SPMIP11: variants seen among roughly 807,000 people sequenced by gnomAD.
SPMIP11 encodes long intergenic non-protein coding RNA 935.
chr12:48,744,248 C>CA, the SPMIP11 span, among the ~76,000 whole-genome samples: 487 of 98,200 alleles, frequency 5.0e-3, 9 homozygotes, highest in African/African-American at 0.011. Flanking sequence ...AGCAACCTCT[C>CA]AAAAAAAAAA....
chr12:48,754,698 A>C, the SPMIP11 span, among the ~76,000 whole-genome samples: 3 of 150,668 alleles, frequency 2.0e-5, no homozygotes, highest in Admixed American at 1.3e-4. Flanking sequence ...GATCCACCCG[A>C]CTAGGCCTCC....
the SPMIP11 span, among the ~76,000 whole-genome samples, chr12:48,762,798 T>C: frequency 3.7e-4 from 56 of 152,320 alleles, no homozygotes; most frequent in Non-Finnish European, 7.2e-4. Flanking sequence ...CTGTTCTGTA[T>C]CAATATATTC....
the SPMIP11 span, chr12:48,765,085 G>A: frequency 3.2e-6 from 2 of 623,698 alleles, no homozygotes; most frequent in South Asian, 3.7e-5. Context: ...TCTCCGGTCA[G>A]TTAGGGAATT....
At chr12:48,758,711 TC>T in the SPMIP11 span, among the ~76,000 whole-genome samples, 1 of 152,174 alleles carries the variant, frequency 6.6e-6, no homozygotes, top group South Asian at 2.1e-4. Context: ...AGGCTCCAAA[TC>T]AAATAGCTCT....
chr12:48,741,631 G>T, the SPMIP11 span, among the ~76,000 whole-genome samples: 26 of 150,698 alleles, frequency 1.7e-4, 1 homozygote, highest in South Asian at 5.0e-3. Context: ...AGATTCTTTG[G>T]AAAAATGTAA....
chr12:48,752,705 C>G, the SPMIP11 span, among the ~76,000 whole-genome samples: 2 of 118,292 alleles, frequency 1.7e-5, no homozygotes, highest in Admixed American at 1.0e-4. Context: ...GAGTTTTGCT[C>G]TTGTTGCCCA....
At chr12:48,756,779 C>CTT in the SPMIP11 span, among the ~76,000 whole-genome samples, 10 of 141,042 alleles carry the variant, frequency 7.1e-5, no homozygotes, top group South Asian at 2.2e-4. Flanking sequence ...TTCTTTTTTT[C>CTT]TTTTTTTTTT....
chr12:48,738,151 A>C, the SPMIP11 span, among the ~76,000 whole-genome samples: 2 of 152,056 alleles, frequency 1.3e-5, no homozygotes, highest in Non-Finnish European at 2.9e-5. Flanking sequence ...CATCATCATT[A>C]TTATTATTTA....
the SPMIP11 span, among the ~76,000 whole-genome samples, chr12:48,757,302 A>T: frequency 2.6e-5 from 4 of 152,142 alleles, no homozygotes; most frequent in African/African-American, 9.7e-5. Flanking sequence ...CTTGCTCAGG[A>T]GTCTGAGATG....
chr12:48,727,552 A>G, the SPMIP11 span: 1 of 702,890 alleles, frequency 1.4e-6, no homozygotes, highest in Non-Finnish European at 2.6e-6. Flanking sequence ...ACACAACTGA[A>G]GAAACAAGTA....
the SPMIP11 span, chr12:48,765,935 A>G: frequency 2.3e-6 from 1 of 428,872 alleles, no homozygotes; most frequent in East Asian, 4.1e-5. Flanking sequence ...GGCACTGGAA[A>G]GAACCGCCGG....
the SPMIP11 span, among the ~76,000 whole-genome samples, chr12:48,763,342 T>C: frequency 6.6e-6 from 1 of 151,998 alleles, no homozygotes; most frequent in Non-Finnish European, 1.5e-5. Context: ...CTGGGCTAAT[T>C]TTTGTATTTT....
At chr12:48,747,930 T>C in the SPMIP11 span, among the ~76,000 whole-genome samples, 2 of 152,174 alleles carry the variant, frequency 1.3e-5, no homozygotes, top group East Asian at 3.8e-4. Context: ...TTATCTAAGA[T>C]GTTTAGTCTT....
At chr12:48,742,352 G>A in the SPMIP11 span, among the ~76,000 whole-genome samples, 18 of 144,756 alleles carry the variant, frequency 1.2e-4, no homozygotes, top group African/African-American at 4.6e-4. Flanking sequence ...CACGATCTCG[G>A]CTCACCGCAA....
chr12:48,751,285 G>T, the SPMIP11 span, among the ~76,000 whole-genome samples: 10 of 152,228 alleles, frequency 6.6e-5, no homozygotes, highest in African/African-American at 2.4e-4. Flanking sequence ...GCAAATGGAT[G>T]TGGGGAACAT....
the SPMIP11 span, among the ~76,000 whole-genome samples, chr12:48,756,432 G>A: frequency 6.6e-6 from 1 of 152,134 alleles, no homozygotes; most frequent in African/African-American, 2.4e-5. Context: ...CACTCTGGTG[G>A]TACCATTATT....
the SPMIP11 span, chr12:48,768,860 C>T: frequency 6.4e-7 from 1 of 1,557,158 alleles, no homozygotes; most frequent in South Asian, 1.2e-5. Context: ...CTACCCCTGT[C>T]CTAGCAGACT....
the SPMIP11 span, chr12:48,768,936 C>A: frequency 6.2e-7 from 1 of 1,608,426 alleles, no homozygotes; most frequent in East Asian, 2.2e-5. Flanking sequence ...ATCCCCCTCA[C>A]CTGGATTCGG....
chr12:48,733,108 T>C, the SPMIP11 span, among the ~76,000 whole-genome samples: 1 of 134,428 alleles, frequency 7.4e-6, no homozygotes, highest in African/African-American at 2.8e-5. Flanking sequence ...TGAGTCTCGC[T>C]CTTTCGCCCA....
Sources: gnomAD v4.1 joint callset for allele counts (sites outside exome capture counted in the v4.1 genomes callset) on GRCh38, gnomAD v4.1.1 for gene constraint, MANE v1.5 for transcripts, NCBI Gene and HGNC (gene_info 2026-07-23, HGNC 2026-07-21) for gene names.